The following PAK3 variants were observed in gnomAD, a reference collection of about 807,000 sequenced individuals.
PAK3 encodes p21 (RAC1) activated kinase 3.
In PAK3, 4 loss-of-function variants were observed where a neutral mutation model predicts 41.0. That is an observed-to-expected ratio of 0.10 (90% CI 0.05 to 0.22). The LOEUF is 0.22. Among genes scored for constraint, PAK3 ranks in the 10% least tolerant of loss-of-function variants. The pLI is 1.00. For missense variants in PAK3, 205 were observed against 409.9 expected (o/e 0.50, Z 4.32); for synonymous variants, 146 against 139.6 (o/e 1.05, Z -0.32).
chrX:111,184,863 T>G (rs1177324140), intron 11 of PAK3, among the ~76,000 whole-genome samples: 1 of 111,536 alleles, frequency 9.0e-6, no homozygotes, highest in Non-Finnish European at 1.9e-5. Flanking sequence ...TAAACGTACA[T>G]GTACACGTGT....
intron 11 of PAK3, among the ~76,000 whole-genome samples, chrX:111,179,370 G>T (rs1157603885): frequency 9.1e-6 from 1 of 110,136 alleles, no homozygotes; most frequent in Non-Finnish European, 1.9e-5. Context: ...TGTCCTGTAG[G>T]TGTATATTTA....
intron 5 of PAK3, among the ~76,000 whole-genome samples, chrX:111,131,265 G>T (rs905293197): frequency 9.0e-6 from 1 of 111,135 alleles, no homozygotes; most frequent in Non-Finnish European, 1.9e-5. Flanking sequence ...CAGGAGTGGT[G>T]CACCTATCAT....
chrX:111,048,233 C>T (rs752268427), intron 1 of PAK3, among the ~76,000 whole-genome samples: 58 of 111,398 alleles, frequency 5.2e-4, no homozygotes, highest in Non-Finnish European at 1.0e-3. Context: ...TTCTCAGTCT[C>T]CTTTGTTGAC....
At chrX:111,173,234 G>A (rs1160731347) in intron 11 of PAK3, among the ~76,000 whole-genome samples, 153 bp downstream of exon 11, 1 of 111,263 alleles carries the variant, frequency 9.0e-6, no homozygotes, top group East Asian at 2.8e-4. Flanking sequence ...CCTTTCAGGG[G>A]GAGTGCTGAC....
chrX:111,112,575 C>G (rs2093395560), intron 4 of PAK3, among the ~76,000 whole-genome samples: 1 of 110,423 alleles, frequency 9.1e-6, no homozygotes, highest in Non-Finnish European at 1.9e-5. Flanking sequence ...ATTAGCTACC[C>G]TTCTTCCACT....
chrX:110,953,508 G>A (rs2090788984), intron 1 of PAK3, among the ~76,000 whole-genome samples: 1 of 112,443 alleles, frequency 8.9e-6, no homozygotes, highest in African/African-American at 3.2e-5. Context: ...ACCTCAACCA[G>A]TTGAATCTGA....
chrX:111,188,134 G>A (rs1603368591), intron 11 of PAK3, among the ~76,000 whole-genome samples: 1 of 108,871 alleles, frequency 9.2e-6, no homozygotes, highest in South Asian at 4.1e-4. Context: ...TAAATCCCAG[G>A]ATATTGAGAT....
chrX:111,199,908 C>T (rs2094660699), intron 16 of PAK3, among the ~76,000 whole-genome samples: 1 of 111,774 alleles, frequency 8.9e-6, no homozygotes, highest in South Asian at 3.7e-4. Flanking sequence ...TTACTCAGTG[C>T]AGAAGTGAGC....
chrX:111,180,370 C>T (rs1242443969), intron 11 of PAK3, among the ~76,000 whole-genome samples: 3 of 111,543 alleles, frequency 2.7e-5, no homozygotes, highest in Non-Finnish European at 5.7e-5. Context: ...TCCAAAATAA[C>T]TTATTCACAT....
At chrX:111,117,934 C>T (rs2093494707) in intron 4 of PAK3, among the ~76,000 whole-genome samples, 1 of 111,090 alleles carries the variant, frequency 9.0e-6, no homozygotes, top group Non-Finnish European at 1.9e-5. Flanking sequence ...GTTGGGCTGC[C>T]CCTTTTCCAC....
intron 1 of PAK3, among the ~76,000 whole-genome samples, chrX:111,058,473 T>C (rs1034801878): frequency 8.9e-6 from 1 of 112,005 alleles, no homozygotes; most frequent in South Asian, 3.7e-4. Context: ...TCACCATTTG[T>C]ATATCTTCAT....
rs528977030 is a variant in PAK3 at position 111,209,404 on chromosome X, G to A, written c.1408-7017G>A. Among the ~76,000 whole-genome samples, 21 of 112,142 alleles carry A rather than the reference G, an allele frequency of 1.9e-4. 1 individual carries two copies. The South Asian group carries it at 7.5e-3, about 40-fold the overall frequency. ...TATATGTAAATTGCACAAGCTAATA[G>A]TATCATTCAGTAAAAGTTATCTATT... is the stretch of plus-strand genomic sequence containing the variant. On this transcript the variant is annotated intron_variant, in intron 16 of 17. Coordinates refer to ENST00000372007, the MANE Select transcript of PAK3 (RefSeq NM_002578.5).
At chrX:110,979,165 A>G (rs1415251987) in intron 1 of PAK3, among the ~76,000 whole-genome samples, 1 of 109,562 alleles carries the variant, frequency 9.1e-6, no homozygotes, top group African/African-American at 3.3e-5. Context: ...CTGCAGTGAT[A>G]TTTTCATTCA....
intron 1 of PAK3, among the ~76,000 whole-genome samples, chrX:111,066,280 T>G (rs2092701042): frequency 8.9e-6 from 1 of 112,197 alleles, no homozygotes; most frequent in Non-Finnish European, 1.9e-5. Context: ...CAAACAATCT[T>G]TTGATTTCTG....
At chrX:111,103,572 G>A (rs1015230487) in intron 4 of PAK3, among the ~76,000 whole-genome samples, 9 of 111,944 alleles carry the variant, frequency 8.0e-5, no homozygotes, top group African/African-American at 9.7e-5. Context: ...TGCCAAGTCC[G>A]TTGCAGATGT....
At chrX:111,048,624 C>A (rs2148785599) in intron 1 of PAK3, among the ~76,000 whole-genome samples, 1 of 111,679 alleles carries the variant, frequency 9.0e-6, no homozygotes, top group East Asian at 2.8e-4. Context: ...ATTCTTGATC[C>A]TATTTTCTCC....
At chrX:111,007,576 C>A (rs150347407) in intron 1 of PAK3, among the ~76,000 whole-genome samples, 131 of 111,531 alleles carry the variant, frequency 1.2e-3, no homozygotes, top group African/African-American at 4.0e-3. Context: ...ATTCCCATTT[C>A]ATGCTGGCTG....
chrX:111,171,731 G>C (rs1471140347), intron 10 of PAK3, among the ~76,000 whole-genome samples: 1 of 111,540 alleles, frequency 9.0e-6, no homozygotes, highest in African/African-American at 3.3e-5. Flanking sequence ...GGGAGTAACT[G>C]CTAACAAGTA....
chrX:111,033,692 G>A (rs886751740), intron 1 of PAK3, among the ~76,000 whole-genome samples: 7 of 111,267 alleles, frequency 6.3e-5, no homozygotes, highest in Middle Eastern at 4.6e-3. Context: ...AGCCAACTGC[G>A]CTTAAGTGAT....
Sources: allele counts gnomAD v4.1 joint callset (sites outside exome capture counted in the v4.1 genomes callset), GRCh38; gene constraint gnomAD v4.1.1; transcripts MANE v1.5; gene names NCBI Gene and HGNC (gene_info 2026-07-23, HGNC 2026-07-21).